ARHGEF1: variants seen among roughly 807,000 people sequenced by gnomAD.
ARHGEF1 encodes 115 kDa guanine nucleotide exchange factor.
A neutral mutation model predicts 119.7 loss-of-function variants in ARHGEF1; 40 were observed. The observed-to-expected ratio is 0.33, with a 90% CI of 0.26 to 0.44. ARHGEF1 has a LOEUF of 0.44. Among genes scored for constraint, ARHGEF1 ranks in the 20% least tolerant of loss-of-function variants. The probability of loss-of-function intolerance (pLI) is 1.00; values close to 1 mark genes in which losing one functional copy is unlikely to be tolerated. For missense variants in ARHGEF1, 976 were observed against 1,268.3 expected, an observed-to-expected ratio of 0.77 and a Z score of 3.50; for synonymous variants, 494 against 521.0, an observed-to-expected ratio of 0.95 and a Z score of 0.71.
intron 1 of ARHGEF1, among the ~76,000 whole-genome samples, chr19:41,925,197 G>T (rs2074864272): frequency 6.6e-6 from 1 of 152,120 alleles, no homozygotes; most frequent in South Asian, 2.1e-4. Context: ...CTGATTAAAT[G>T]ATTTGAATGT....
In ARHGEF1 at chr19:41,892,114, G is replaced by A. The variant is rs782005486; in HGVS notation, c.315G>A (p.Glu105=). ...TGGACTTCTACCACAGCTTCCTGGA[G>A]AAGACAGCGGTGAGAGACCTTCAAG... is the stretch of plus-strand genomic sequence containing the variant. The part of the protein sequence containing the change: ...AFLDFYHSFL[E]KTAVLRVPVP... The change falls in exon 5 of 29, where the codon GAG becomes GAA. Residue 105 remains glutamate, a synonymous_variant. Coordinates refer to ENST00000354532, the MANE Select transcript of ARHGEF1 (RefSeq NM_004706.4). This position sits in a 1 kb window ranked among gnomAD's most constrained non-coding sequence, Gnocchi z 6.3. 1 of 1,612,818 alleles carries A rather than the reference G, an allele frequency of 6.2e-7. No individual in the cohort carries two copies. Among genetic ancestry groups the A allele is most frequent in the Non-Finnish European group, 8.5e-7 (1 of 1,179,154 alleles).
chr19:41,908,072 C>G, downstream of ARHGEF1: 1 of 497,282 alleles, frequency 2.0e-6, no homozygotes, highest in South Asian at 1.1e-4. This position sits in a 1 kb window ranked among gnomAD's most constrained non-coding sequence, Gnocchi z 6.7. Flanking sequence ...AAGTGAGACC[C>G]CCCCCACTCT....
rs781904270 is a variant in ARHGEF1 at position 41,902,014 on chromosome 19, C to T, written c.1395C>T (p.Asp465=). The part of the protein sequence containing the change: ...EELQNIFPSL[D]ELIEVHSLFL... ...TGCAGAACATCTTCCCCAGCCTGGA[C>T]GAGCTCATCGAGGTGCATTGTGAGT... The change falls in exon 15 of 29, where the codon GAC becomes GAT. Residue 465 remains aspartate, a synonymous_variant. Coordinates refer to ENST00000354532, the MANE Select transcript of ARHGEF1 (RefSeq NM_004706.4). The surrounding 1 kb of genome is among the most constrained non-coding windows in gnomAD (Gnocchi z 6.5). The T allele has an allele frequency of 1.4e-5, 23 of 1,613,988 alleles. No individual in the cohort carries two copies. The highest frequency in any genetic ancestry group is 8.3e-5 in the Admixed American group (5 of 59,992).
At chr19:41,908,750 C>T, downstream of ARHGEF1, 1 of 737,862 alleles carries the variant, frequency 1.4e-6, no homozygotes, top group Non-Finnish European at 1.9e-6. This position sits in a 1 kb window ranked among gnomAD's most constrained non-coding sequence, Gnocchi z 6.7. Flanking sequence ...TGCCTCCCTG[C>T]CATATCCCAC....
In ARHGEF1 at chr19:41,905,728, G is replaced by T; in HGVS notation, c.2337-32G>T. ...CCCCTGCGGCCCCCCAGGGCCAGGG[G>T]TGTGGGGTCACCCAGCACTTCCTCC... On this transcript the variant is annotated intron_variant, in intron 24 of 28. Transcript: ENST00000354532. The surrounding 1 kb of genome is among the most constrained non-coding windows in gnomAD (Gnocchi z 6.4). 1.9e-6 allele frequency: 3 copies of T among 1,612,700 alleles called. No homozygotes were observed. Among genetic ancestry groups the T allele is most frequent in the Non-Finnish European group, 2.5e-6 (3 of 1,179,382 alleles).
chr19:41,906,516 C>T lies in ARHGEF1; in HGVS notation c.2551C>T (p.Arg851Ter). 1.3e-6 allele frequency: 2 copies of T among 1,583,054 alleles called. No homozygotes were observed. Among genetic ancestry groups the T allele is most frequent in the Non-Finnish European group, 8.5e-7 (1 of 1,171,994 alleles). Residue 851 changes from arginine (R) to a stop codon, truncating the protein, a stop_gained, in exon 27 of 29, where the codon CGA becomes TGA. Coordinates refer to ENST00000354532, the MANE Select transcript of ARHGEF1 (RefSeq NM_004706.4). LOFTEE classifies it high-confidence loss of function. This position sits in a 1 kb window ranked among gnomAD's most constrained non-coding sequence, Gnocchi z 4.5. The stretch of plus-strand genomic sequence containing the variant: ...GGAAGACAATGGGGCGGGGCCTCCT[C>T]GAGATGGGGATGGGGTCCCAGGGGG... Reference protein sequence around the residue: ...AEEDNGAGPPRDGDGVPGGGP... With the variant: ...AEEDNGAGPP
At position 41,906,114 on chromosome 19, in the gene ARHGEF1, CCT is replaced by C; in HGVS notation, c.2491+90_2491+91del. On this transcript the variant is annotated intron_variant, in intron 26 of 28. Transcript: ENST00000354532. The surrounding 1 kb of genome is among the most constrained non-coding windows in gnomAD (Gnocchi z 4.5). ...ACAAGGCTCTCCACGTCAAAAATTT[CCT>C]TACGCCCAGCTGCCAGAAAACAAAT... 7.6e-7 allele frequency: 1 copy of C among 1,310,172 alleles called. No individual in the cohort carries two copies. Among genetic ancestry groups the C allele is most frequent in the Non-Finnish European group, 1.1e-6 (1 of 925,832 alleles). The allele number at this position is 1,310,172 out of a possible 1,614,324, so 81.2% of individuals were successfully genotyped here.
At position 41,914,737 on chromosome 19, in the gene ARHGEF1, A is replaced by ATCTCTG. The variant is rs1338482494; in HGVS notation, c.1865+7940_1865+7945dup. Among the ~76,000 whole-genome samples the ATCTCTG allele has an allele frequency of 5.1e-3, 18 of 3,550 alleles. 5 individuals carry two copies. Among genetic ancestry groups the ATCTCTG allele is most frequent in the East Asian group, 0.056 (1 of 18 alleles). The allele number at this position is 3,550 out of a possible 152,430, so 2.3% of individuals were successfully genotyped here. On this transcript the variant is annotated intron_variant, in intron 18 of 20. Transcript: ENST00000599589. ...CTCTGTCTCTCCCTCCCCTTCCACC[A>ATCTCTG]TCTCTGTCTCTCCCTCCCCTTCCAC...
At position 41,896,492 on chromosome 19, in the gene ARHGEF1, C is replaced by G. The variant is rs1173632636; in HGVS notation, c.1121+10C>G. On this transcript the variant is annotated intron_variant, in intron 13 of 28. Coordinates refer to ENST00000354532, the MANE Select transcript of ARHGEF1 (RefSeq NM_004706.4). ...GGGCCGAAACCGAGAGGTGCCCAGGCTGGGGTGCAGGGGCGGGAGGTGTGG... is the reference window on the plus strand; with the variant it reads ...GGGCCGAAACCGAGAGGTGCCCAGGGTGGGGTGCAGGGGCGGGAGGTGTGG... 1 of 1,493,630 alleles carries G rather than the reference C, an allele frequency of 6.7e-7. No individual in the cohort carries two copies. Among genetic ancestry groups the G allele is most frequent in the Non-Finnish European group, 8.9e-7 (1 of 1,118,950 alleles). The allele number at this position is 1,493,630 out of a possible 1,614,324, so 92.5% of individuals were successfully genotyped here.
At position 41,900,565 on chromosome 19, in the gene ARHGEF1, G is replaced by A. The variant is rs149592092; in HGVS notation, c.1268-1322G>A. On this transcript the variant is annotated intron_variant, in intron 14 of 28. Transcript: ENST00000354532. ...GCCCTCCGGGGATGTGGGGGTCCCTGGATCTGAGGCTGTCAACCACTGTAT... is the reference window on the plus strand; with the variant it reads ...GCCCTCCGGGGATGTGGGGGTCCCTAGATCTGAGGCTGTCAACCACTGTAT... 3.7e-4 allele frequency among the ~76,000 whole-genome samples: 56 copies of A among 152,186 alleles called. 1 individual carries two copies. The highest frequency in any genetic ancestry group is 1.3e-3 in the African/African-American group (54 of 41,528).
At chr19:41,907,518 C>T (rs1340429101), downstream of ARHGEF1, 32 of 1,007,756 alleles carry the variant, frequency 3.2e-5, no homozygotes, top group South Asian at 1.5e-4. Context: ...GACTGTCTGG[C>T]GTTGACATCC....
chr19:41,907,657 C>G, downstream of ARHGEF1: 1 of 433,210 alleles, frequency 2.3e-6, no homozygotes, highest in Non-Finnish European at 4.1e-6. Context: ...ACACCGCCCT[C>G]CAGCTCCCAC....
At chr19:41,909,073 T>G, downstream of ARHGEF1, 2 of 1,231,252 alleles carry the variant, frequency 1.6e-6, no homozygotes, top group Non-Finnish European at 2.0e-6. The surrounding 1 kb of genome is among the most constrained non-coding windows in gnomAD (Gnocchi z 5.2). Context: ...AGCCCAGGAA[T>G]GGGAAAGGGC....
chr19:41,921,528 T>C (rs907082697), upstream of ARHGEF1, among the ~76,000 whole-genome samples: 2 of 150,380 alleles, frequency 1.3e-5, no homozygotes, highest in Non-Finnish European at 3.0e-5. The surrounding 1 kb of genome is among the most constrained non-coding windows in gnomAD (Gnocchi z 4.4). Flanking sequence ...CAGGGGGAGA[T>C]CCGAGGTGGG....
downstream of ARHGEF1, chr19:41,908,305 T>C (rs2074730230): frequency 8.1e-7 from 1 of 1,231,484 alleles, no homozygotes; most frequent in Non-Finnish European, 1.0e-6. This position sits in a 1 kb window ranked among gnomAD's most constrained non-coding sequence, Gnocchi z 6.7. Context: ...CTGTCAGAGC[T>C]GCAGCCGCTG....
At chr19:41,884,375 C>A in intron 1 of ARHGEF1, 1 of 1,549,646 alleles carries the variant, frequency 6.5e-7, no homozygotes, top group Non-Finnish European at 8.7e-7. Context: ...GAGCTGGGCG[C>A]AAAGGTGGAC....
rs1399293813 is a variant in ARHGEF1 at position 41,902,354 on chromosome 19, C to T, written c.1495C>T (p.Arg499Trp). 1.9e-6 allele frequency: 3 copies of T among 1,614,048 alleles called. No individual in the cohort carries two copies. Among genetic ancestry groups the T allele is most frequent in the Non-Finnish European group, 1.7e-6 (2 of 1,180,016 alleles). ...IEEIGDVLLA[R>W]FDGAEGSWFQ... Reference sequence around the variant, plus strand: ...GGAGATCGGAGACGTGCTGCTGGCCCGGGTGAGATGCCCAGCCCTCCCGCT... The same window carrying T: ...GGAGATCGGAGACGTGCTGCTGGCCTGGGTGAGATGCCCAGCCCTCCCGCT... Residue 499 changes from arginine (R) to tryptophan (W), a missense_variant and splice_region_variant, in exon 16 of 29, where the codon CGG becomes TGG. Physicochemically the swap from Arg to Trp is moderately radical, Grantham distance 101 (BLOSUM62 -3). Transcript: ENST00000354532. The surrounding 1 kb of genome is among the most constrained non-coding windows in gnomAD (Gnocchi z 6.5).
At chr19:41,897,704 T>C (rs2074534196) in intron 13 of ARHGEF1, 2 of 411,054 alleles carry the variant, frequency 4.9e-6, no homozygotes, top group South Asian at 1.1e-4. Context: ...TGGTCACCCT[T>C]GCCCCGGTCC....
At chr19:41,920,376 TCA>T (rs1419836034), upstream of ARHGEF1, among the ~76,000 whole-genome samples, 27 of 128,906 alleles carry the variant, frequency 2.1e-4, no homozygotes, top group African/African-American at 5.7e-4. Flanking sequence ...CATGACATGT[TCA>T]CAGACATGAC....
Sources: gnomAD v4.1 joint callset for allele counts (sites outside exome capture counted in the v4.1 genomes callset) on GRCh38, gnomAD v4.1.1 for gene constraint, Gnocchi (gnomAD v3.1) non-coding constraint, MANE v1.5 for transcripts, NCBI Gene and HGNC (gene_info 2026-07-23, HGNC 2026-07-21) for gene names.